KIF23: variants seen among roughly 807,000 people sequenced by gnomAD.
The protein encoded by KIF23 is kinesin family member 23, also known as kinesin-like protein KIF23.
KIF23 carries 30 observed loss-of-function variants against 137.5 expected under a neutral mutation model. That is an observed-to-expected ratio of 0.22 (90% CI 0.16 to 0.30). The LOEUF is 0.30. KIF23 is among the 10% of genes least tolerant of loss of function. The pLI, the probability that KIF23 is intolerant of heterozygous loss-of-function variation, is 1.00. For synonymous variants in KIF23, 367 were observed against 391.1 expected, an observed-to-expected ratio of 0.94 and a Z score of 0.73; for missense variants, 920 against 1,194.3, an observed-to-expected ratio of 0.77 and a Z score of 3.38.
chr15:69,439,023 G>T (rs150937712), intron 16 of KIF23, among the ~76,000 whole-genome samples: 2,105 of 152,066 alleles, frequency 0.014, 12 homozygotes, highest in Non-Finnish European at 0.019. Flanking sequence ...GCTTGAGCCT[G>T]GGAGGTTGAG....
Position 69,440,831 on chromosome 15 carries a change from C to T in KIF23, c.2173C>T (p.His725Tyr). The part of the protein sequence containing the change: ...GQQLMSQPQL[H>Y]RRSNSCSSIS... ...GCAACTCATGAGCCAGCCACAGCTA[C>T]ATAGGCGCTCTAACTCTTGCAGCAG... Residue 725 changes from histidine (H) to tyrosine (Y), a missense_variant, in exon 19 of 24, where the codon CAT becomes TAT. Physicochemically the swap from His to Tyr is moderately conservative, Grantham distance 83 (BLOSUM62 2). Around this residue, in one of 4 missense-constraint regions of KIF23, gnomAD observed 714 missense variants for 866.2 expected, o/e 0.82. Coordinates refer to ENST00000679126, the MANE Select transcript of KIF23 (RefSeq NM_001367805.3). 3 of 1,613,818 alleles carry T rather than the reference C, an allele frequency of 1.9e-6. No individual in the cohort carries two copies. The highest frequency in any genetic ancestry group is 2.5e-6 in the Non-Finnish European group (3 of 1,180,040).
intron 19 of KIF23, among the ~76,000 whole-genome samples, chr15:69,442,880 A>T (rs544060598): frequency 1.3e-5 from 2 of 152,340 alleles, no homozygotes; most frequent in East Asian, 3.9e-4. Context: ...TTGGTCAAAA[A>T]TTATGTCAGG....
intron 15 of KIF23, 58 bp downstream of exon 15, chr15:69,436,780 A>AT: frequency 8.7e-7 from 1 of 1,151,678 alleles, no homozygotes; most frequent in Non-Finnish European, 1.2e-6. Flanking sequence ...TTTGAGACAT[A>AT]GTTTCACTCT....
At chr15:69,434,918 G>A (rs1393071122) in intron 11 of KIF23, 5 of 705,164 alleles carry the variant, frequency 7.1e-6, no homozygotes, top group Non-Finnish European at 1.2e-5. Context: ...CCAGCTCGTG[G>A]TGCAGGTTGC....
Position 69,423,176 on chromosome 15 carries a change from A to T in KIF23, c.581A>T (p.Glu194Val). The change falls in exon 7 of 24, where the codon GAG becomes GTG. Residue 194 changes from glutamate to valine, a missense_variant. Transcript: ENST00000679126. ...TTTTTTAGACGACAAGTAGATCCAG[A>T]GTTTGCAGATATGATAACTGTACAA... ...TSSSKRQVDP[E>V]FADMITVQEF... The T allele has an allele frequency of 6.3e-7, 1 of 1,593,234 alleles. No homozygotes were observed. The highest frequency in any genetic ancestry group is 8.6e-7 in the Non-Finnish European group (1 of 1,169,224).
At chr15:69,423,357 G>C in intron 7 of KIF23, 28 bp downstream of exon 7, 3 of 1,470,086 alleles carry the variant, frequency 2.0e-6, no homozygotes, top group Non-Finnish European at 2.7e-6. Flanking sequence ...CCCCTTCTTA[G>C]CTGTTAATGT....
intron 16 of KIF23, among the ~76,000 whole-genome samples, chr15:69,439,355 A>G (rs2057558548): frequency 1.3e-5 from 2 of 152,230 alleles, no homozygotes; most frequent in East Asian, 3.9e-4. Flanking sequence ...GAAATGGTAT[A>G]AAAGTGCCAG....
At chr15:69,443,326 G>GTTTTTTTTTTTTTTTTTT (rs10538305) in intron 19 of KIF23, among the ~76,000 whole-genome samples, 1 of 58,588 alleles carries the variant, frequency 1.7e-5, no homozygotes, top group Non-Finnish European at 3.2e-5. Flanking sequence ...TGTTTTTTGG[G>GTTTTTTTTTTTTTTTTTT]TTTTTTTTTT....
intron 11 of KIF23, 82 bp downstream of exon 11, chr15:69,429,295 G>A: frequency 1.1e-6 from 1 of 911,276 alleles, no homozygotes; most frequent in South Asian, 1.6e-5. Flanking sequence ...ATCAATGGGT[G>A]GTTCTTTGTT....
rs1363268419 is a variant in KIF23 at position 69,421,969 on chromosome 15, C to T, written c.317-23C>T. ...AGTGGAGAACTTCTAAGATATAACT[C>T]ATTGTGACTTGCTACACTGTAGGTC... On this transcript the variant is annotated intron_variant, in intron 4 of 23. Coordinates refer to ENST00000679126, the MANE Select transcript of KIF23 (RefSeq NM_001367805.3). The T allele has an allele frequency of 1.9e-6, 3 of 1,611,624 alleles. No individual in the cohort carries two copies. The South Asian group carries it at 3.3e-5, about 18-fold the overall frequency.
chr15:69,435,091 G>A, intron 11 of KIF23: 1 of 490,974 alleles, frequency 2.0e-6, no homozygotes, highest in South Asian at 3.8e-5. Flanking sequence ...CCCAGAAGCG[G>A]GACGGTGGCC....
At chr15:69,425,634 C>G (rs1237977744) in intron 8 of KIF23, among the ~76,000 whole-genome samples, 2 of 152,146 alleles carry the variant, frequency 1.3e-5, no homozygotes, top group African/African-American at 2.4e-5. Context: ...ATATACCAAA[C>G]TCTTTCTGAA....
At chr15:69,437,052 G>A (rs1366766484) in intron 15 of KIF23, among the ~76,000 whole-genome samples, 2 of 152,164 alleles carry the variant, frequency 1.3e-5, no homozygotes, top group Non-Finnish European at 1.5e-5. Flanking sequence ...ACCACTCCCA[G>A]CCAATTTGCA....
At chr15:69,419,609 C>G (rs922043869) in intron 3 of KIF23, among the ~76,000 whole-genome samples, 1 of 152,202 alleles carries the variant, frequency 6.6e-6, no homozygotes, top group African/African-American at 2.4e-5. Flanking sequence ...AACCCCTCTC[C>G]CCTGGTCTGT....
intron 19 of KIF23, among the ~76,000 whole-genome samples, chr15:69,441,281 C>T (rs1262024407): frequency 6.6e-6 from 1 of 152,146 alleles, no homozygotes; most frequent in Non-Finnish European, 1.5e-5. Flanking sequence ...CATCTGGCAG[C>T]GGAAGTGTGT....
chr15:69,422,855 C>T (rs998760791), intron 6 of KIF23: 5 of 293,242 alleles, frequency 1.7e-5, no homozygotes, highest in Non-Finnish European at 2.5e-5. Context: ...GGGTGGAGTG[C>T]AGTGGCATGA....
Position 69,414,363 on chromosome 15 carries a change from C to T in KIF23, c.-103C>T. ...CCGCCGGCTTCGCAGAGCACCGCGC[C>T]TTAGCCGCGAAGTTCTAGTTCTTGC... On this transcript the variant is annotated 5_prime_UTR_variant, in exon 1 of 24. Transcript: ENST00000679126. 6.7e-7 allele frequency: 1 copy of T among 1,500,374 alleles called. No homozygotes were observed. The highest frequency in any genetic ancestry group is 2.6e-5 in the East Asian group (1 of 38,946). The allele number at this position is 1,500,374 out of a possible 1,614,324, so 92.9% of individuals were successfully genotyped here.
chr15:69,448,082 A>G lies in KIF23; in HGVS notation c.*275A>G. On this transcript the variant is annotated 3_prime_UTR_variant, in exon 24 of 24. Transcript: ENST00000679126. ...TTTCATCACTGTATGAATTTTTTAT[A>G]ATGTTTTTTTAAAATATATTTCATG... 2 of 265,032 alleles carry G rather than the reference A, an allele frequency of 7.5e-6. No homozygotes were observed. Among genetic ancestry groups the G allele is most frequent in the Non-Finnish European group, 7.1e-6 (1 of 141,778 alleles). 16.4% of individuals were successfully genotyped at this position (265,032 alleles called of 1,614,324 possible).
chr15:69,421,668 G>A lies in KIF23; in HGVS notation c.232G>A (p.Val78Ile), dbSNP rs2057059609. Residue 78 changes from valine (V) to isoleucine (I), a missense_variant, in exon 4 of 24, where the codon GTA becomes ATA. Transcript: ENST00000679126. ...ACAGACTCAGTATTCATTTAAACAA[G>A]TATTTGGCACTCACACCACCCAGAA... ...YKETQYSFKQ[V>I]FGTHTTQKEL... 3 of 1,612,108 alleles carry A rather than the reference G, an allele frequency of 1.9e-6. No homozygotes were observed. The highest frequency in any genetic ancestry group is 1.1e-5 in the South Asian group (1 of 90,984).
Sources: gnomAD v4.1 joint callset for allele counts (sites outside exome capture counted in the v4.1 genomes callset) on GRCh38, gnomAD v4.1.1 for gene constraint, gnomAD v4.1.1 regional missense constraint, MANE v1.5 for transcripts, NCBI Gene and HGNC (gene_info 2026-07-23, HGNC 2026-07-21) for gene names.